The following BRI3BP variants were observed in gnomAD, a reference collection of about 807,000 sequenced individuals.
BRI3BP encodes BRI3-binding protein.
BRI3BP carries 7 observed loss-of-function variants against 15.8 expected under a neutral mutation model. The observed-to-expected ratio is 0.44, with a 90% confidence interval of 0.25 to 0.83. The LOEUF (loss-of-function observed/expected upper bound fraction) is 0.83. Among genes scored for constraint, BRI3BP ranks in the 40% least tolerant of loss-of-function variants. The probability of loss-of-function intolerance (pLI) is 0.20; values close to 1 mark genes in which losing one functional copy is unlikely to be tolerated. For missense variants in BRI3BP, 320 were observed against 339.3 expected, an observed-to-expected ratio of 0.94 and a Z score of 0.45; for synonymous variants, 192 against 163.5, an observed-to-expected ratio of 1.17 and a Z score of -1.33.
downstream of BRI3BP, among the ~76,000 whole-genome samples, chr12:125,034,872 A>G (rs1341980753): frequency 2.6e-5 from 4 of 152,102 alleles, no homozygotes; most frequent in South Asian, 2.1e-4. Context: ...ACAGGCGTGA[A>G]CCACCGCGCC....
chr12:125,043,793 T>C, the BRI3BP span, among the ~76,000 whole-genome samples: 1 of 151,674 alleles, frequency 6.6e-6, no homozygotes, highest in African/African-American at 2.4e-5. Context: ...GAGGTGGAGG[T>C]TGCAATGAGC....
intron 1 of BRI3BP, among the ~76,000 whole-genome samples, chr12:125,007,678 C>G (rs73229597): frequency 6.5e-4 from 99 of 151,928 alleles, no homozygotes; most frequent in African/African-American, 2.1e-3. Flanking sequence ...GTAATTACCC[C>G]CACTGTACTC....
chr12:125,025,520 TTAA>T lies in BRI3BP; in HGVS notation c.*94_*96del, dbSNP rs1955346130. On this transcript the variant is annotated 3_prime_UTR_variant, in exon 3 of 3. Transcript: ENST00000341446. ...AAAAAACCCCAAACCCCAAACAATC[TTAA>T]TAAACACGACTGAGCAAGAAAGTGG... 7.8e-7 allele frequency: 1 copy of T among 1,285,352 alleles called. No homozygotes were observed. The highest frequency in any genetic ancestry group is 1.6e-5 in the South Asian group (1 of 63,708). The allele number at this position is 1,285,352 out of a possible 1,614,324, so 79.6% of individuals were successfully genotyped here.
At chr12:125,001,601 C>T (rs1005588987) in intron 1 of BRI3BP, among the ~76,000 whole-genome samples, 1 of 152,072 alleles carries the variant, frequency 6.6e-6, no homozygotes, top group Non-Finnish European at 1.5e-5. Context: ...TCTCTTGACT[C>T]CTGGGCTCAT....
At position 125,029,693 on chromosome 12, in the gene BRI3BP, T is replaced by G. The variant is rs1380319105; in HGVS notation, c.*4263T>G. 2.0e-5 allele frequency: 3 copies of G among 152,106 alleles called. No individual in the cohort carries two copies. The highest frequency in any genetic ancestry group is 4.4e-5 in the Non-Finnish European group (3 of 68,032). The allele number at this position is 152,106 out of a possible 1,614,324, so 9.4% of individuals were successfully genotyped here. A position where few individuals can be genotyped will look rare whatever the true frequency, so the allele number is the denominator to read the frequency against. On this transcript the variant is annotated 3_prime_UTR_variant, in exon 3 of 3. Transcript: ENST00000341446. ...TAACAGAGCACAGCAATAGAATTTC[T>G]GGGAAGCAGACCTTGTGAATCGTGC...
Position 125,025,598 on chromosome 12 carries a change from C to T in BRI3BP, c.*168C>T. On this transcript the variant is annotated 3_prime_UTR_variant, in exon 3 of 3. Transcript: ENST00000341446. ...ACCCGGCAGCTCTTAGGACACATTC[C>T]CAGAAGAGCGGAAAGATCATTGACG... The T allele has an allele frequency of 1.5e-6, 1 of 659,780 alleles. No homozygotes were observed. Among genetic ancestry groups the T allele is most frequent in the Non-Finnish European group, 2.5e-6 (1 of 404,386 alleles). The allele number at this position is 659,780 out of a possible 1,614,324, so 40.9% of individuals were successfully genotyped here.
At position 125,022,541 on chromosome 12, in the gene BRI3BP, A is replaced by ATTTATTTTT; in HGVS notation, c.317-2447_317-2446insATTTTTTTT. On this transcript the variant is annotated intron_variant, in intron 2 of 2. Transcript: ENST00000341446. Reference sequence around the variant, plus strand: ...TTATTATTTATTTATTTATTTATTTATTTTTTGAGACAGAGCCTCACTGTG... The same window carrying ATTTATTTTT: ...TTATTATTTATTTATTTATTTATTTATTTATTTTTTTTTTTGAGACAGAGCCTCACTGTG... 6.7e-4 allele frequency among the ~76,000 whole-genome samples: 94 copies of ATTTATTTTT among 139,428 alleles called. 1 individual carries two copies. The highest frequency in any genetic ancestry group is 2.0e-3 in the Admixed American group (28 of 13,692). The allele number at this position is 139,428 out of a possible 152,430, so 91.5% of individuals were successfully genotyped here.
chr12:125,019,634 CCTTTTTTTTT>C (rs77819417), intron 2 of BRI3BP, among the ~76,000 whole-genome samples: 1 of 45,538 alleles, frequency 2.2e-5, no homozygotes, highest in Non-Finnish European at 5.0e-5. Context: ...TTAATTCCAC[CCTTTTTTTTT>C]TTTTTTTTTT....
intron 1 of BRI3BP, among the ~76,000 whole-genome samples, chr12:125,003,695 G>A (rs1955115782): frequency 6.6e-6 from 1 of 152,176 alleles, no homozygotes; most frequent in Non-Finnish European, 1.5e-5. Flanking sequence ...GCTCATGCCT[G>A]TAATCCCAGC....
chr12:125,035,419 G>C (rs1408289523), downstream of BRI3BP, among the ~76,000 whole-genome samples: 5 of 147,354 alleles, frequency 3.4e-5, no homozygotes, highest in Non-Finnish European at 6.0e-5. Flanking sequence ...TTTGAGGCAG[G>C]ATCTTGCTTT....
chr12:125,012,593 G>A lies in BRI3BP; in HGVS notation c.273G>A (p.Leu91=), dbSNP rs1287142962. The A allele has an allele frequency of 1.2e-6, 2 of 1,613,422 alleles. No homozygotes were observed. Residue 91 remains leucine, a synonymous_variant, in exon 2 of 3, where the codon CTG becomes CTA. Coordinates refer to ENST00000341446, the MANE Select transcript of BRI3BP (RefSeq NM_080626.6). ...VLGVDMFVET[L]WKVWTELLDV... is the part of the protein sequence containing the mutation. ...GAGTGGATATGTTCGTGGAGACACT[G>A]TGGAAAGTCTGGACCGAGCTCTTGG...
chr12:125,008,439 T>A (rs527238613), intron 1 of BRI3BP, among the ~76,000 whole-genome samples: 67 of 151,952 alleles, frequency 4.4e-4, no homozygotes, highest in African/African-American at 1.5e-3. Flanking sequence ...CAGCCTCCTG[T>A]GTAGCTGGGA....
the BRI3BP span, among the ~76,000 whole-genome samples, chr12:125,043,327 C>T: frequency 2.0e-5 from 3 of 152,092 alleles, no homozygotes; most frequent in Non-Finnish European, 4.4e-5. Context: ...TCAACGTCTA[C>T]CCCAGAATCT....
chr12:125,036,416 G>T, the BRI3BP span, among the ~76,000 whole-genome samples: 1 of 151,362 alleles, frequency 6.6e-6, no homozygotes, highest in Non-Finnish European at 1.5e-5. Flanking sequence ...AGTAGAGACA[G>T]GGTTTCACTA....
intron 2 of BRI3BP, among the ~76,000 whole-genome samples, chr12:125,019,720 GTGTTC>G (rs1365070780): frequency 6.9e-6 from 1 of 144,150 alleles, no homozygotes; most frequent in African/African-American, 2.7e-5. Flanking sequence ...TTTGTGGCTG[GTGTTC>G]TGTTCCTCTG....
chr12:125,009,625 G>A (rs1053779891), intron 1 of BRI3BP, among the ~76,000 whole-genome samples: 1 of 151,496 alleles, frequency 6.6e-6, no homozygotes, highest in African/African-American at 2.4e-5. Context: ...GAGATGGGGG[G>A]GGGGTCTCAT....
intron 1 of BRI3BP, among the ~76,000 whole-genome samples, chr12:124,995,936 G>C (rs896300734): frequency 1.3e-5 from 2 of 152,058 alleles, no homozygotes; most frequent in African/African-American, 4.8e-5. Flanking sequence ...TTTTTGAGAC[G>C]GAGGTCTGGC....
intron 1 of BRI3BP, among the ~76,000 whole-genome samples, chr12:125,003,616 T>C (rs1002427083): frequency 2.0e-5 from 3 of 152,152 alleles, no homozygotes; most frequent in Non-Finnish European, 4.4e-5. Context: ...CCTTTGCATA[T>C]TTCAGTTAGC....
chr12:125,038,591 C>T, the BRI3BP span, among the ~76,000 whole-genome samples: 2 of 151,476 alleles, frequency 1.3e-5, no homozygotes, highest in Non-Finnish European at 2.9e-5. Flanking sequence ...CATGGAGAAA[C>T]CCCGTCTCTA....
Sources: gnomAD v4.1 joint callset for allele counts (sites outside exome capture counted in the v4.1 genomes callset) on GRCh38, gnomAD v4.1.1 for gene constraint, MANE v1.5 for transcripts, NCBI Gene and HGNC (gene_info 2026-07-23, HGNC 2026-07-21) for gene names.